Variants in SGCZ observed in about 807,000 individuals in gnomAD.
The protein encoded by SGCZ is sarcoglycan zeta.
Under a neutral mutation model 41.3 loss-of-function variants are expected in SGCZ, and 40 were observed. The ratio of observed to expected loss-of-function variants is 0.97; its 90% CI spans 0.75 to 1.26. The LOEUF (loss-of-function observed/expected upper bound fraction) is 1.26, where lower values mean the gene tolerates loss of function less well. Among genes scored for constraint, SGCZ ranks in the 50% most tolerant of loss-of-function variants. The pLI is 0.00. For missense variants in SGCZ, 552 were observed against 369.8 expected (o/e 1.49, Z -4.04); for synonymous variants, 206 against 137.5 (o/e 1.50, Z -3.49).
intron 1 of SGCZ, among the ~76,000 whole-genome samples, chr8:14,777,389 A>T (rs1258776685): frequency 6.6e-6 from 1 of 152,216 alleles, no homozygotes; most frequent in Non-Finnish European, 1.5e-5. Flanking sequence ...TTTTCTATAC[A>T]CTTCAGGTGG....
intron 4 of SGCZ, among the ~76,000 whole-genome samples, chr8:14,208,540 A>G (rs1805692190): frequency 6.6e-6 from 1 of 152,192 alleles, no homozygotes; most frequent in East Asian, 1.9e-4. Context: ...ATACACAAAG[A>G]TATGTTCCTA....
At chr8:14,123,520 A>G (rs755946655) in intron 5 of SGCZ, among the ~76,000 whole-genome samples, 2 of 152,188 alleles carry the variant, frequency 1.3e-5, no homozygotes, top group Non-Finnish European at 2.9e-5. Context: ...TTTTCAAGGC[A>G]TGTCACATGA....
chr8:14,810,525 A>C (rs1416869514), intron 1 of SGCZ, among the ~76,000 whole-genome samples: 3 of 152,184 alleles, frequency 2.0e-5, no homozygotes, highest in Middle Eastern at 3.4e-3. Context: ...CCACAGGCAC[A>C]AAAAATAAAT....
chr8:15,077,087 G>T (rs560732676), intron 1 of SGCZ, among the ~76,000 whole-genome samples: 74 of 152,288 alleles, frequency 4.9e-4, no homozygotes, highest in African/African-American at 1.7e-3. Context: ...GAATATTCTT[G>T]TTGGAGACTC....
chr8:14,599,454 C>T (rs1261309261), intron 1 of SGCZ, among the ~76,000 whole-genome samples: 1 of 152,178 alleles, frequency 6.6e-6, no homozygotes, highest in Non-Finnish European at 1.5e-5. Context: ...ACTGGTCTCC[C>T]ATTAATTTCA....
At chr8:14,422,609 A>G (rs1227264582) in intron 2 of SGCZ, among the ~76,000 whole-genome samples, 1 of 152,214 alleles carries the variant, frequency 6.6e-6, no homozygotes, top group Non-Finnish European at 1.5e-5. Context: ...TGCCTTGTAT[A>G]AAAAAGAATG....
intron 2 of SGCZ, among the ~76,000 whole-genome samples, chr8:14,450,330 A>T (rs564773773): frequency 6.6e-6 from 1 of 152,216 alleles, no homozygotes; most frequent in Non-Finnish European, 1.5e-5. Flanking sequence ...TGCGGTATGC[A>T]TATACGTGTT....
rs200202047 is a variant in SGCZ, at chr8:14,989,992, T to C, written c.39+247593A>G. ...CGGGAGGTACGCATGACTGAGGCAC[T>C]ATTAATAAAATAGCTGCCTACATTT... On this transcript the variant is annotated intron_variant, in intron 1 of 7. Transcript: ENST00000382080. Among the ~76,000 whole-genome samples, 18 of 152,174 alleles carry C rather than the reference T, an allele frequency of 1.2e-4. No individual in the cohort carries two copies. The East Asian group carries it at 3.3e-3, about 28-fold the overall frequency.
At chr8:15,021,993 T>C (rs550930288) in intron 1 of SGCZ, among the ~76,000 whole-genome samples, 29 of 152,306 alleles carry the variant, frequency 1.9e-4, no homozygotes, top group African/African-American at 6.5e-4. Context: ...AACATAACCT[T>C]GTGCATAAAT....
chr8:14,947,234 C>T (rs566696831), intron 1 of SGCZ, among the ~76,000 whole-genome samples: 2 of 152,246 alleles, frequency 1.3e-5, no homozygotes, highest in East Asian at 3.9e-4. Flanking sequence ...GCGAAATATC[C>T]CGGAAGTATT....
intron 2 of SGCZ, among the ~76,000 whole-genome samples, chr8:14,381,607 T>C (rs1002760044): frequency 1.3e-5 from 2 of 151,412 alleles, no homozygotes; most frequent in African/African-American, 4.9e-5. Context: ...AAACCCCGGT[T>C]CTACAAAAAA....
intron 3 of SGCZ, among the ~76,000 whole-genome samples, chr8:14,242,941 G>A (rs1174539777): frequency 1.3e-5 from 2 of 152,120 alleles, no homozygotes; most frequent in African/African-American, 2.4e-5. Flanking sequence ...GTCTCTAAAA[G>A]AAACATCTTA....
intron 1 of SGCZ, among the ~76,000 whole-genome samples, chr8:15,086,088 A>T (rs1000931733): frequency 6.6e-6 from 1 of 152,232 alleles, no homozygotes; most frequent in Non-Finnish European, 1.5e-5. Flanking sequence ...TGCATAATAA[A>T]ATCTAAACTT....
intron 1 of SGCZ, among the ~76,000 whole-genome samples, chr8:15,069,992 T>G (rs1805293331): frequency 6.6e-6 from 1 of 151,996 alleles, no homozygotes; most frequent in Non-Finnish European, 1.5e-5. Context: ...GATAAAGTAA[T>G]TTAGGCAAAT....
intron 2 of SGCZ, among the ~76,000 whole-genome samples, chr8:14,512,660 C>T (rs531914927): frequency 5.9e-5 from 9 of 151,882 alleles, no homozygotes; most frequent in Non-Finnish European, 1.3e-4. Context: ...GAGACTTGGT[C>T]CCATTATGTT....
At chr8:14,167,294 T>C (rs1804239945) in intron 4 of SGCZ, among the ~76,000 whole-genome samples, 1 of 152,162 alleles carries the variant, frequency 6.6e-6, no homozygotes, top group Non-Finnish European at 1.5e-5. Context: ...CAGGATTCAG[T>C]TACTTAGAGA....
intron 2 of SGCZ, among the ~76,000 whole-genome samples, chr8:14,457,883 G>A (rs6651372): frequency 0.041 from 6,202 of 152,146 alleles, 386 homozygotes; most frequent in African/African-American, 0.14. Context: ...CGGTCTCCGC[G>A]CATTGGTGGT....
At chr8:14,257,325 C>A (rs2117223210) in intron 3 of SGCZ, among the ~76,000 whole-genome samples, 1 of 150,386 alleles carries the variant, frequency 6.6e-6, no homozygotes, top group African/African-American at 2.4e-5. Context: ...CCAGCCTGGG[C>A]AATGGAGTGA....
At chr8:14,490,098 C>G (rs780428497) in intron 2 of SGCZ, among the ~76,000 whole-genome samples, 4 of 152,048 alleles carry the variant, frequency 2.6e-5, no homozygotes, top group South Asian at 2.1e-4. Context: ...AAACTCCAAA[C>G]CTTGTGATCC....
Sources: allele counts gnomAD v4.1 joint callset (sites outside exome capture counted in the v4.1 genomes callset), GRCh38; gene constraint gnomAD v4.1.1; transcripts MANE v1.5; gene names NCBI Gene and HGNC (gene_info 2026-07-23, HGNC 2026-07-21).